RALGPS2: variants seen among roughly 807,000 people sequenced by gnomAD.
The protein encoded by RALGPS2 is Ral GEF with PH domain and SH3 binding motif 2.
Under a neutral mutation model 86.8 loss-of-function variants are expected in RALGPS2, and 43 were observed. The ratio of observed to expected loss-of-function variants is 0.50; its 90% confidence interval spans 0.39 to 0.64. The LOEUF is 0.64. Among genes scored for constraint, RALGPS2 ranks in the 30% least tolerant of loss-of-function variants. RALGPS2 has a pLI of 0.00. For synonymous variants in RALGPS2, 243 were observed against 231.3 expected, an observed-to-expected ratio of 1.05 and a Z score of -0.46; for missense variants, 536 against 694.6, an observed-to-expected ratio of 0.77 and a Z score of 2.57.
At chr1:178,755,996 G>A (rs751800711) in intron 1 of RALGPS2, among the ~76,000 whole-genome samples, 2 of 152,158 alleles carry the variant, frequency 1.3e-5, no homozygotes, top group African/African-American at 2.4e-5. Flanking sequence ...TTTGGGAAGT[G>A]TCTGTTTGTA....
At chr1:178,728,130 T>C (rs1650131230) in intron 1 of RALGPS2, among the ~76,000 whole-genome samples, 1 of 151,424 alleles carries the variant, frequency 6.6e-6, no homozygotes, top group South Asian at 2.1e-4. Flanking sequence ...CCTTATTCTT[T>C]TGGTTTATGT....
intron 7 of RALGPS2, among the ~76,000 whole-genome samples, chr1:178,822,439 T>G (rs1655550441): frequency 6.6e-6 from 1 of 152,054 alleles, no homozygotes; most frequent in Non-Finnish European, 1.5e-5. Flanking sequence ...CGATTACATT[T>G]TGTACAAAGG....
chr1:178,818,538 TC>T (rs1655344945), intron 6 of RALGPS2, among the ~76,000 whole-genome samples: 1 of 152,164 alleles, frequency 6.6e-6, no homozygotes, highest in Non-Finnish European at 1.5e-5. Context: ...GGGATCTAAG[TC>T]CCAGAGATCT....
At chr1:178,854,469 A>T (rs1339121568) in intron 8 of RALGPS2, among the ~76,000 whole-genome samples, 1 of 152,184 alleles carries the variant, frequency 6.6e-6, no homozygotes, top group Admixed American at 6.6e-5. Context: ...AATAAACCAG[A>T]TGCCCAAACT....
chr1:178,892,179 G>A lies in RALGPS2; in HGVS notation c.1248-51G>A. 2.7e-6 allele frequency: 4 copies of A among 1,478,760 alleles called. No homozygotes were observed. In the East Asian group the frequency reaches 6.8e-5, roughly 25 times the overall value. 91.6% of individuals were successfully genotyped at this position (1,478,760 alleles called of 1,614,324 possible). On this transcript the variant is annotated intron_variant, in intron 14 of 19. Transcript: ENST00000367635. Reference sequence around the variant, plus strand: ...ACTGTTCTAGGTATTGATAATGACTGTGTGAATAAAAGTATATGTAATATA... The same window carrying A: ...ACTGTTCTAGGTATTGATAATGACTATGTGAATAAAAGTATATGTAATATA...
chr1:178,853,575 G>A, intron 8 of RALGPS2: 1 of 1,559,062 alleles, frequency 6.4e-7, no homozygotes, highest in South Asian at 1.2e-5. Context: ...CTTCCCTTAG[G>A]TCTGCATCAC....
At chr1:178,881,576 G>A (rs866638527) in intron 10 of RALGPS2, among the ~76,000 whole-genome samples, 9 of 151,940 alleles carry the variant, frequency 5.9e-5, no homozygotes, top group African/African-American at 1.5e-4. Flanking sequence ...TCAGCCTCCC[G>A]AGTAGCTGGG....
At chr1:178,759,788 G>A (rs918063986) in intron 1 of RALGPS2, among the ~76,000 whole-genome samples, 7 of 151,700 alleles carry the variant, frequency 4.6e-5, no homozygotes, top group Non-Finnish European at 7.4e-5. Flanking sequence ...TTTCATTGTA[G>A]ACATCTTTTA....
intron 5 of RALGPS2, among the ~76,000 whole-genome samples, chr1:178,808,559 C>G (rs76859122): frequency 0.015 from 2,307 of 152,146 alleles, 55 homozygotes; most frequent in African/African-American, 0.052. Context: ...TACTACTACT[C>G]TATTTCTGCT....
intron 19 of RALGPS2, among the ~76,000 whole-genome samples, chr1:178,911,276 A>G (rs906610599): frequency 1.3e-5 from 2 of 150,340 alleles, no homozygotes; most frequent in Non-Finnish European, 3.0e-5. Context: ...GATTTTGGTT[A>G]TTTCTTTTTT....
chr1:178,916,421 A>C lies in RALGPS2; in HGVS notation c.*62A>C. ...TACGTGAGCATGAGGACCTGATAAA[A>C]GAGCGCCAGCTATAAACCATCCTGT... is the stretch of plus-strand genomic sequence containing the variant. On this transcript the variant is annotated 3_prime_UTR_variant, in exon 20 of 20. Coordinates refer to ENST00000367635, the MANE Select transcript of RALGPS2 (RefSeq NM_152663.5). 6.8e-7 allele frequency: 1 copy of C among 1,480,746 alleles called. No individual in the cohort carries two copies. The highest frequency in any genetic ancestry group is 9.3e-7 in the Non-Finnish European group (1 of 1,072,972). 91.7% of individuals were successfully genotyped at this position (1,480,746 alleles called of 1,614,324 possible). A position where few individuals can be genotyped will look rare whatever the true frequency, so the allele number is the denominator to read the frequency against.
At chr1:178,797,296 C>A (rs1252427721) in intron 4 of RALGPS2, among the ~76,000 whole-genome samples, 1 of 151,446 alleles carries the variant, frequency 6.6e-6, no homozygotes, top group Admixed American at 6.6e-5. Flanking sequence ...GAGATAGAGA[C>A]AAAGGGAAAA....
At chr1:178,753,705 T>G (rs1377653520) in intron 1 of RALGPS2, 1 of 152,214 alleles carries the variant, frequency 6.6e-6, no homozygotes, top group African/African-American at 2.4e-5. Context: ...TTAGAGATAC[T>G]TATGTACCAA....
At chr1:178,873,930 G>T (rs971125692) in intron 8 of RALGPS2, among the ~76,000 whole-genome samples, 5 of 152,058 alleles carry the variant, frequency 3.3e-5, no homozygotes, top group Admixed American at 3.3e-4. Flanking sequence ...ACCCAAGCGG[G>T]AGTGCAGTGG....
chr1:178,859,307 A>G (rs1380109065), intron 8 of RALGPS2, among the ~76,000 whole-genome samples: 1 of 152,138 alleles, frequency 6.6e-6, no homozygotes, highest in Non-Finnish European at 1.5e-5. Flanking sequence ...AAGCATTATA[A>G]ATAATTTGAA....
chr1:178,852,030 C>G (rs1269314944), intron 8 of RALGPS2, among the ~76,000 whole-genome samples: 2 of 152,100 alleles, frequency 1.3e-5, no homozygotes, highest in Non-Finnish European at 2.9e-5. Context: ...CCCTTTGAAT[C>G]AAGCTTTTTT....
rs553242792 is a variant in RALGPS2, at chr1:178,767,838, G to A, written c.-83-8844G>A. On this transcript the variant is annotated intron_variant, in intron 1 of 19. Transcript: ENST00000367635. ...AGCTGTAGCAGGTGCAGCTTGCCTG[G>A]CTACCAGTAGCAGAGGTGGGTGGGG... 1.3e-4 allele frequency among the ~76,000 whole-genome samples: 20 copies of A among 152,282 alleles called. 1 individual carries two copies. The highest frequency in any genetic ancestry group is 1.2e-3 in the East Asian group (6 of 5,186).
chr1:178,816,445 A>C (rs185528781), intron 6 of RALGPS2, among the ~76,000 whole-genome samples: 1 of 152,218 alleles, frequency 6.6e-6, no homozygotes, highest in East Asian at 1.9e-4. Flanking sequence ...TGTCTTATCA[A>C]GTTGTAGGGA....
chr1:178,737,917 A>G (rs551196978), intron 1 of RALGPS2, among the ~76,000 whole-genome samples: 2 of 152,120 alleles, frequency 1.3e-5, no homozygotes, highest in South Asian at 2.1e-4. Flanking sequence ...AGGTGGGACT[A>G]CGGGTGCACA....
Sources: allele counts gnomAD v4.1 joint callset (sites outside exome capture counted in the v4.1 genomes callset), GRCh38; gene constraint gnomAD v4.1.1; transcripts MANE v1.5; gene names NCBI Gene and HGNC (gene_info 2026-07-23, HGNC 2026-07-21).